Variants in COL14A1 observed in about 807,000 individuals in gnomAD.
COL14A1 encodes collagen type XIV alpha 1 chain.
COL14A1 carries 136 observed loss-of-function variants against 230.3 expected under a neutral mutation model. That is an observed-to-expected ratio of 0.59 (90% confidence interval 0.51 to 0.68). COL14A1 has a LOEUF of 0.68. Ranked by LOEUF, COL14A1 falls within the 30% of genes least tolerant of loss-of-function variation. COL14A1 has a pLI of 0.00. For missense variants in COL14A1, 1,976 were observed against 2,215.8 expected (o/e 0.89, Z 2.17); for synonymous variants, 792 against 784.1 (o/e 1.01, Z -0.17).
chr8:120,370,538 G>A, intron 47 of COL14A1: 1 of 1,472,256 alleles, frequency 6.8e-7, no homozygotes, highest in Non-Finnish European at 9.0e-7. Context: ...TGCCCACTCT[G>A]CTCCAAACAT....
rs544662442 is a variant in COL14A1 at position 120,240,193 on chromosome 8, T to TC, written c.2350-3686_2350-3685insC. On this transcript the variant is annotated intron_variant, in intron 19 of 47. Transcript: ENST00000297848. ...TTGCTTTGCAAAACTGTTTTTTTTT[T>TC]TCTCTCTCTCTCTTTTGCCTTACAG... 1.6e-4 allele frequency among the ~76,000 whole-genome samples: 24 copies of TC among 151,458 alleles called. No individual in the cohort carries two copies. The South Asian group carries it at 2.1e-3, about 13-fold the overall frequency.
chr8:120,176,450 T>A (rs1816286065), intron 5 of COL14A1, among the ~76,000 whole-genome samples: 1 of 152,162 alleles, frequency 6.6e-6, no homozygotes, highest in Non-Finnish European at 1.5e-5. Flanking sequence ...ATCTCTCACC[T>A]CCCATTAATA....
chr8:120,332,705 C>T lies in COL14A1; in HGVS notation c.4755C>T (p.Ser1585=), dbSNP rs769698189. Residue 1585 remains serine, a synonymous_variant, in exon 42 of 48, where the codon AGC becomes AGT. Coordinates refer to ENST00000297848, the MANE Select transcript of COL14A1 (RefSeq NM_021110.4). ...CTGGAGTCCCAGGGATCACAGGAAG[C>T]ATGGGACCGCAAGGCGCCCTGGGAC... is the stretch of plus-strand genomic sequence containing the variant. ...GTPGVPGITG[S]MGPQGALGPP... is the part of the protein sequence containing the mutation. 2 of 1,613,516 alleles carry T rather than the reference C, an allele frequency of 1.2e-6. No homozygotes were observed. Among genetic ancestry groups the T allele is most frequent in the Non-Finnish European group, 1.7e-6 (2 of 1,179,620 alleles).
In COL14A1 at chr8:120,270,158, G is replaced by A. The variant is rs754615610; in HGVS notation, c.3197G>A (p.Gly1066Asp). 1 of 1,610,386 alleles carries A rather than the reference G, an allele frequency of 6.2e-7. No homozygotes were observed. The highest frequency in any genetic ancestry group is 2.2e-5 in the East Asian group (1 of 44,786). Reference sequence around the variant, plus strand: ...ACTGTTGGAGCCCTGAACAAGATTGGCACAGATGGAACCCAAGTAAGGCTA... The same window carrying A: ...ACTGTTGGAGCCCTGAACAAGATTGACACAGATGGAACCCAAGTAAGGCTA... Reference protein sequence around the residue: ...YSTVGALNKIGTDGTQVAMVQ... With the variant: ...YSTVGALNKIDTDGTQVAMVQ... Residue 1066 changes from glycine (G) to aspartate (D), a missense_variant, in exon 26 of 48, where the codon GGC becomes GAC. By Grantham distance (94) the Gly-to-Asp change is moderately conservative. This residue lies in a region of COL14A1 where 1,791 missense variants were observed against 2,019.5 expected (regional missense o/e 0.89). Coordinates refer to ENST00000297848, the MANE Select transcript of COL14A1 (RefSeq NM_021110.4).
chr8:120,154,404 T>C (rs937623410), intron 2 of COL14A1, among the ~76,000 whole-genome samples: 1 of 152,064 alleles, frequency 6.6e-6, no homozygotes, highest in Non-Finnish European at 1.5e-5. Flanking sequence ...TTAAAGAAAA[T>C]CTTCCTTCAC....
chr8:120,308,018 G>A (rs997020837), intron 36 of COL14A1, among the ~76,000 whole-genome samples: 5 of 152,236 alleles, frequency 3.3e-5, no homozygotes, highest in African/African-American at 1.2e-4. Flanking sequence ...GTCTCACGCT[G>A]TCGCTTAGGC....
At chr8:120,177,311 C>T (rs1816311842) in intron 5 of COL14A1, among the ~76,000 whole-genome samples, 1 of 151,966 alleles carries the variant, frequency 6.6e-6, no homozygotes, top group Non-Finnish European at 1.5e-5. Flanking sequence ...AAGTGGTGGC[C>T]TCAGAATTCT....
At chr8:120,165,345 A>C (rs899370627) in intron 4 of COL14A1, among the ~76,000 whole-genome samples, 1 of 152,214 alleles carries the variant, frequency 6.6e-6, no homozygotes, top group Non-Finnish European at 1.5e-5. Flanking sequence ...TTATGAGTTC[A>C]TATTTTGATA....
chr8:120,125,052 C>A (rs1022154275), upstream of COL14A1: 2 of 152,476 alleles, frequency 1.3e-5, no homozygotes, highest in African/African-American at 4.8e-5. Context: ...CACCTCCCGC[C>A]TCCGCGGCCA....
intron 14 of COL14A1, among the ~76,000 whole-genome samples, chr8:120,223,407 C>T (rs962140617): frequency 1.3e-5 from 2 of 152,108 alleles, no homozygotes; most frequent in East Asian, 1.9e-4. Flanking sequence ...CAGTGGCTCA[C>T]GCTTGTAATC....
chr8:120,316,493 G>T (rs996183775), intron 40 of COL14A1, among the ~76,000 whole-genome samples: 1 of 152,106 alleles, frequency 6.6e-6, no homozygotes, highest in African/African-American at 2.4e-5. Flanking sequence ...AAAGGGATAC[G>T]CTAACATCTG....
At chr8:120,158,073 A>G in intron 2 of COL14A1, 57 bp from the exon 3 acceptor site, 1 of 959,204 alleles carries the variant, frequency 1.0e-6, no homozygotes, top group Non-Finnish European at 1.6e-6. Context: ...TTTCTGATTT[A>G]ACAAATAGAA....
At chr8:120,166,249 C>T (rs1815868457) in intron 4 of COL14A1, among the ~76,000 whole-genome samples, 1 of 152,154 alleles carries the variant, frequency 6.6e-6, no homozygotes, top group Non-Finnish European at 1.5e-5. Flanking sequence ...TCTGGATTAA[C>T]CACATTTAGG....
intron 5 of COL14A1, among the ~76,000 whole-genome samples, chr8:120,176,659 G>A (rs1816292731): frequency 6.6e-6 from 1 of 152,090 alleles, no homozygotes; most frequent in African/African-American, 2.4e-5. Context: ...GGTCTTGTAG[G>A]TTAATGCTGG....
In COL14A1 at chr8:120,224,142, A is replaced by G. The variant is rs552716392; in HGVS notation, c.1738-946A>G. Among the ~76,000 whole-genome samples, 324 of 146,638 alleles carry G rather than the reference A, an allele frequency of 2.2e-3. 1 individual carries two copies. Among genetic ancestry groups the G allele is most frequent in the African/African-American group, 7.8e-3 (310 of 39,538 alleles). On this transcript the variant is annotated intron_variant, in intron 14 of 47. Coordinates refer to ENST00000297848, the MANE Select transcript of COL14A1 (RefSeq NM_021110.4). ...CCCTGGTTCAAGCGATTCTCCTGCC[A>G]TGGCCTCCTGAGTAGCTGGGATTGC...
intron 12 of COL14A1, 31 bp from the exon 13 acceptor site, chr8:120,212,417 C>A: frequency 6.2e-7 from 1 of 1,609,070 alleles, no homozygotes; most frequent in African/African-American, 1.3e-5. Flanking sequence ...TATGTATTGG[C>A]AAATGATCTA....
In COL14A1 at chr8:120,243,880, T is replaced by C. The variant is rs749719504; in HGVS notation, c.2351T>C (p.Val784Ala). The C allele has an allele frequency of 3.1e-6, 5 of 1,612,730 alleles. No individual in the cohort carries two copies. In the Admixed American group the frequency reaches 8.3e-5, roughly 27 times the overall value. Residue 784 changes from valine (V) to alanine (A), a missense_variant and splice_region_variant, in exon 20 of 48, where the codon GTT becomes GCT. By Grantham distance (64) the Val-to-Ala change is moderately conservative. This residue lies in a region of COL14A1 where 1,791 missense variants were observed against 2,019.5 expected (regional missense o/e 0.89). Coordinates refer to ENST00000297848, the MANE Select transcript of COL14A1 (RefSeq NM_021110.4). The part of the protein sequence containing the change: ...GDPEEEVIGT[V>A]MVPGSQNNLL... Reference sequence around the variant, plus strand: ...GCAGTCCTTTGCTTTTTTGTTCAGGTTATGGTGCCTGGAAGCCAGAACAAC... The same window carrying C: ...GCAGTCCTTTGCTTTTTTGTTCAGGCTATGGTGCCTGGAAGCCAGAACAAC...
chr8:120,349,893 A>C (rs1265135189), intron 45 of COL14A1, among the ~76,000 whole-genome samples: 1 of 146,978 alleles, frequency 6.8e-6, no homozygotes, highest in Non-Finnish European at 1.5e-5. Context: ...GAACGCTACA[A>C]AGATACTCCT....
At position 120,371,976 on chromosome 8, in the gene COL14A1, A is replaced by G. The variant is rs1454773422; in HGVS notation, c.*745A>G. 1 of 237,290 alleles carries G rather than the reference A, an allele frequency of 4.2e-6. No individual in the cohort carries two copies. Among genetic ancestry groups the G allele is most frequent in the Non-Finnish European group, 8.1e-6 (1 of 123,308 alleles). 14.7% of individuals were successfully genotyped at this position (237,290 alleles called of 1,614,324 possible). A position where few individuals can be genotyped will look rare whatever the true frequency, so the allele number is the denominator to read the frequency against. On this transcript the variant is annotated 3_prime_UTR_variant, in exon 48 of 48. Coordinates refer to ENST00000297848, the MANE Select transcript of COL14A1 (RefSeq NM_021110.4). ...TACGGGGATTACTTTGTACATGCAG[A>G]TAAGTTTTCGCAAACCTATTTCCAT...
Sources: gnomAD v4.1 joint callset for allele counts (sites outside exome capture counted in the v4.1 genomes callset) on GRCh38, gnomAD v4.1.1 for gene constraint, gnomAD v4.1.1 regional missense constraint, MANE v1.5 for transcripts, NCBI Gene and HGNC (gene_info 2026-07-23, HGNC 2026-07-21) for gene names.